The following CAMTA1 variants were observed in gnomAD, a reference collection of about 807,000 sequenced individuals.
The protein encoded by CAMTA1 is calmodulin binding transcription activator 1, also known as calmodulin-binding transcription activator 1.
In CAMTA1, 27 loss-of-function variants were observed where a neutral mutation model predicts 170.9. The observed-to-expected ratio is 0.16, with a 90% CI of 0.12 to 0.22. The LOEUF (loss-of-function observed/expected upper bound fraction) is 0.22, where lower values mean the gene tolerates loss of function less well. Ranked by LOEUF, CAMTA1 falls within the 10% of genes least tolerant of loss-of-function variation. The probability of loss-of-function intolerance (pLI) is 1.00; values close to 1 mark genes in which losing one functional copy is unlikely to be tolerated. For synonymous variants in CAMTA1, 833 were observed against 891.5 expected (o/e 0.93, Z 1.17); for missense variants, 1,619 against 2,217.2 (o/e 0.73, Z 5.42).
intron 3 of CAMTA1, among the ~76,000 whole-genome samples, chr1:7,024,852 T>G (rs1349891277): frequency 2.6e-5 from 4 of 152,254 alleles, no homozygotes; most frequent in Non-Finnish European, 5.9e-5. Flanking sequence ...TAAGAATTTA[T>G]GATCCCCTAA....
At chr1:7,429,987 C>T (rs1161839251) in intron 5 of CAMTA1, among the ~76,000 whole-genome samples, 2 of 152,140 alleles carry the variant, frequency 1.3e-5, no homozygotes, top group African/African-American at 4.8e-5. Flanking sequence ...TGAGAAACCA[C>T]CCCTATGATC....
rs1436202619 is a variant in CAMTA1 at position 7,767,777 on chromosome 1, C to A, written c.*1286C>A. On this transcript the variant is annotated 3_prime_UTR_variant, in exon 23 of 23. Transcript: ENST00000303635. ...AAAATGAAACAAAAAAACTTTATTT[C>A]ACTATAAGAGTACTTTATTTTAAAT... 6.7e-6 allele frequency: 1 copy of A among 148,982 alleles called. No individual in the cohort carries two copies. The highest frequency in any genetic ancestry group is 1.5e-5 in the Non-Finnish European group (1 of 67,492). The allele number at this position is 148,982 out of a possible 1,614,324, so 9.2% of individuals were successfully genotyped here. A position where few individuals can be genotyped will look rare whatever the true frequency, so the allele number is the denominator to read the frequency against.
chr1:7,091,504 AC>A (rs1490314001), intron 4 of CAMTA1, 133 bp downstream of exon 4: 1 of 701,784 alleles, frequency 1.4e-6, no homozygotes, highest in Non-Finnish European at 2.6e-6. Flanking sequence ...GGCTTTCGAC[AC>A]TGAGGTCTCA....
chr1:7,249,487 C>G lies in CAMTA1; in HGVS notation c.303-4C>G. On this transcript the variant is annotated splice_region_variant and splice_polypyrimidine_tract_variant and intron_variant, in intron 4 of 22. Coordinates refer to ENST00000303635, the MANE Select transcript of CAMTA1 (RefSeq NM_015215.4). The surrounding 1 kb of genome is among the most constrained non-coding windows in gnomAD (Gnocchi z 4.4). The stretch of plus-strand genomic sequence containing the variant: ...TTGGTAACTTAACCATTTGTTGTTT[C>G]CAGACCACAGAATGGCTCAATGATA... 2 of 1,610,136 alleles carry G rather than the reference C, an allele frequency of 1.2e-6. No homozygotes were observed. Among genetic ancestry groups the G allele is most frequent in the Non-Finnish European group, 1.7e-6 (2 of 1,177,896 alleles).
chr1:7,554,593 C>T (rs560277322), intron 6 of CAMTA1, among the ~76,000 whole-genome samples: 1 of 152,190 alleles, frequency 6.6e-6, no homozygotes, highest in Non-Finnish European at 1.5e-5. Context: ...GCTCTTGCCC[C>T]CTCCTGTCAC....
intron 3 of CAMTA1, among the ~76,000 whole-genome samples, chr1:6,855,131 T>C (rs1661809895): frequency 1.3e-5 from 2 of 152,136 alleles, no homozygotes; most frequent in Non-Finnish European, 2.9e-5. Flanking sequence ...TTATTATAAA[T>C]AATAAGCTAG....
rs1220765109 is a variant in CAMTA1, at chr1:7,640,342, C to A, written c.511-58C>A. The A allele has an allele frequency of 3.7e-6, 6 of 1,600,704 alleles. No homozygotes were observed. In the East Asian group the frequency reaches 6.7e-5, roughly 18 times the overall value. On this transcript the variant is annotated intron_variant, in intron 6 of 22. Transcript: ENST00000303635. ...CTGCACCTGCGGGGTTGGGGGCGGC[C>A]CTGACCCTGGTGGGCTCCATGCCAC...
At position 7,426,815 on chromosome 1, in the gene CAMTA1, G is replaced by A. The variant is rs899885437; in HGVS notation, c.439-41015G>A. 2.0e-5 allele frequency among the ~76,000 whole-genome samples: 3 copies of A among 152,178 alleles called. No individual in the cohort carries two copies. Among genetic ancestry groups the A allele is most frequent in the Non-Finnish European group, 4.4e-5 (3 of 68,038 alleles). On this transcript the variant is annotated intron_variant, in intron 5 of 22. Transcript: ENST00000303635. This position sits in a 1 kb window ranked among gnomAD's most constrained non-coding sequence, Gnocchi z 4.8. Reference sequence around the variant, plus strand: ...ACGTGACTTAAAAATAATGGCTTTCGTAGAATTGCAAAATTAGAGTTAAAA... The same window carrying A: ...ACGTGACTTAAAAATAATGGCTTTCATAGAATTGCAAAATTAGAGTTAAAA...
intron 3 of CAMTA1, among the ~76,000 whole-genome samples, chr1:6,904,222 A>G (rs372822941): frequency 2.6e-5 from 4 of 152,296 alleles, no homozygotes; most frequent in African/African-American, 9.6e-5. Flanking sequence ...ACGCTTAGTT[A>G]TTAAATCCCA....
chr1:7,252,246 C>A (rs1666746879), intron 5 of CAMTA1, among the ~76,000 whole-genome samples: 1 of 152,212 alleles, frequency 6.6e-6, no homozygotes, highest in Admixed American at 6.5e-5. Flanking sequence ...CAGTTTTCCC[C>A]ACATCCTCTC....
At chr1:7,383,528 A>G (rs1394072906) in intron 5 of CAMTA1, among the ~76,000 whole-genome samples, 1 of 152,220 alleles carries the variant, frequency 6.6e-6, no homozygotes, top group Non-Finnish European at 1.5e-5. Context: ...GGCGTAGGAT[A>G]TCTACTTCAT....
In CAMTA1 at chr1:7,426,260, G is replaced by C. The variant is rs540782723; in HGVS notation, c.439-41570G>C. ...AGGGCCAGAGAGAGCTGCACGGTCC[G>C]AAGCTCAGAGCATCCTCACTAGCAT... On this transcript the variant is annotated intron_variant, in intron 5 of 22. Transcript: ENST00000303635. This position sits in a 1 kb window ranked among gnomAD's most constrained non-coding sequence, Gnocchi z 4.8. Among the ~76,000 whole-genome samples, 1 of 152,106 alleles carries C rather than the reference G, an allele frequency of 6.6e-6. No homozygotes were observed. The highest frequency in any genetic ancestry group is 1.5e-5 in the Non-Finnish European group (1 of 68,032).
chr1:7,170,436 G>C (rs1649376285), intron 4 of CAMTA1, among the ~76,000 whole-genome samples: 1 of 151,958 alleles, frequency 6.6e-6, no homozygotes, highest in East Asian at 1.9e-4. Flanking sequence ...GCATGCATTA[G>C]GTATTTGTCC....
chr1:6,898,202 A>G (rs1676078109), intron 3 of CAMTA1, among the ~76,000 whole-genome samples: 1 of 152,178 alleles, frequency 6.6e-6, no homozygotes, highest in Non-Finnish European at 1.5e-5. Context: ...ACTAATTATT[A>G]TGTACATCTT....
At chr1:6,854,287 C>T (rs1024974696) in intron 3 of CAMTA1, among the ~76,000 whole-genome samples, 1 of 152,182 alleles carries the variant, frequency 6.6e-6, no homozygotes, top group African/African-American at 2.4e-5. Context: ...GTCACAGTTG[C>T]TTGCAATATT....
In CAMTA1 at chr1:7,599,044, G is replaced by C. The variant is rs191867922; in HGVS notation, c.511-41356G>C. Among the ~76,000 whole-genome samples, 512 of 152,296 alleles carry C rather than the reference G, an allele frequency of 3.4e-3. 2 individuals carry two copies. Among genetic ancestry groups the C allele is most frequent in the African/African-American group, 0.012 (483 of 41,566 alleles). ...CTATGTCCTGAATGGTATTGCCTAGGTTTTCTTCTAGGGCTTTTATGGTTT... is the reference window on the plus strand; with the variant it reads ...CTATGTCCTGAATGGTATTGCCTAGCTTTTCTTCTAGGGCTTTTATGGTTT... On this transcript the variant is annotated intron_variant, in intron 6 of 22. Transcript: ENST00000303635.
chr1:7,212,774 C>T (rs1304704713), intron 4 of CAMTA1, among the ~76,000 whole-genome samples: 1 of 152,162 alleles, frequency 6.6e-6, no homozygotes, highest in African/African-American at 2.4e-5. Context: ...TCCCCTACAC[C>T]CTCTTTGACT....
intron 3 of CAMTA1, among the ~76,000 whole-genome samples, chr1:7,021,632 C>T (rs758931924): frequency 2.0e-5 from 3 of 152,150 alleles, no homozygotes; most frequent in Admixed American, 6.5e-5. Flanking sequence ...GTCTTGATTG[C>T]GGTGACAGTT....
chr1:7,227,988 ATCT>A (rs761270334), intron 4 of CAMTA1, among the ~76,000 whole-genome samples: 1 of 150,398 alleles, frequency 6.6e-6, no homozygotes, highest in African/African-American at 2.5e-5. Flanking sequence ...CTTTGCACTC[ATCT>A]TCTCAGCCAC....
Sources: allele counts gnomAD v4.1 joint callset (sites outside exome capture counted in the v4.1 genomes callset), GRCh38; gene constraint gnomAD v4.1.1; non-coding constraint Gnocchi (gnomAD v3.1); transcripts MANE v1.5; gene names NCBI Gene and HGNC (gene_info 2026-07-23, HGNC 2026-07-21).